Variants in FRMPD1 observed in about 807,000 individuals in gnomAD.
The protein encoded by FRMPD1 is FERM and PDZ domain containing 1.
Under a neutral mutation model 117.8 loss-of-function variants are expected in FRMPD1, and 76 were observed. That is an observed-to-expected ratio of 0.65 (90% confidence interval 0.54 to 0.78). The LOEUF is 0.78. Among genes scored for constraint, FRMPD1 ranks in the 30% least tolerant of loss-of-function variants. The pLI, the probability that FRMPD1 is intolerant of heterozygous loss-of-function variation, is 0.00. For missense variants in FRMPD1, 1,786 were observed against 1,964.5 expected (o/e 0.91, Z 1.72); for synonymous variants, 783 against 770.4 (o/e 1.02, Z -0.27).
the FRMPD1 span, among the ~76,000 whole-genome samples, chr9:37,610,739 C>T: frequency 3.3e-5 from 5 of 152,160 alleles, no homozygotes; most frequent in East Asian, 1.9e-4. Flanking sequence ...CGATTACAGG[C>T]GTGCGCCATC....
chr9:37,625,138 T>G, the FRMPD1 span, among the ~76,000 whole-genome samples: 1 of 152,234 alleles, frequency 6.6e-6, no homozygotes, highest in South Asian at 2.1e-4. Context: ...CTGAATGCAC[T>G]AGTTTCCTTT....
chr9:37,728,539 A>G (rs917949931), intron 7 of FRMPD1, among the ~76,000 whole-genome samples: 2 of 152,142 alleles, frequency 1.3e-5, no homozygotes, highest in African/African-American at 2.4e-5. Flanking sequence ...TCTAGTGAGC[A>G]AGAAGAGTGT....
chr9:37,720,947 T>C (rs1823374191), intron 6 of FRMPD1, among the ~76,000 whole-genome samples: 2 of 152,180 alleles, frequency 1.3e-5, no homozygotes, highest in South Asian at 4.1e-4. Flanking sequence ...TGCACAGTGA[T>C]GAGTAGTGAG....
Position 37,744,950 on chromosome 9 carries a change from A to G in FRMPD1, c.2918A>G (p.Asn973Ser), listed in dbSNP as rs1339955264. ...TCAGCAAGCACTCCTCACTGTTCTA[A>G]CCCAGGTTCATCTGGCCCAGATACT... ...SSSASTPHCS[N>S]PGSSGPDTAQ... Residue 973 changes from asparagine to serine, a missense_variant, in exon 16 of 16, where the codon AAC becomes AGC. Asn to Ser is a conservative substitution (Grantham distance 46). Transcript: ENST00000377765. 3 of 1,614,134 alleles carry G rather than the reference A, an allele frequency of 1.9e-6. No individual in the cohort carries two copies. The highest frequency in any genetic ancestry group is 1.7e-5 in the Admixed American group (1 of 60,016).
chr9:37,616,834 G>T, the FRMPD1 span, among the ~76,000 whole-genome samples: 1 of 152,158 alleles, frequency 6.6e-6, no homozygotes, highest in African/African-American at 2.4e-5. Context: ...CCAAATTATA[G>T]ATTGGAAGGC....
chr9:37,734,866 TC>T (rs1416634935), intron 12 of FRMPD1, among the ~76,000 whole-genome samples: 5 of 152,160 alleles, frequency 3.3e-5, no homozygotes, highest in African/African-American at 9.7e-5. Context: ...TCCCAATTTT[TC>T]TAAGGGCTAA....
chr9:37,645,413 T>C, the FRMPD1 span, among the ~76,000 whole-genome samples: 1 of 152,146 alleles, frequency 6.6e-6, no homozygotes, highest in African/African-American at 2.4e-5. Context: ...AGAATGCGAT[T>C]AGGAACAGGA....
chr9:37,675,879 G>A (rs773651426), intron 1 of FRMPD1, among the ~76,000 whole-genome samples: 1 of 152,214 alleles, frequency 6.6e-6, no homozygotes, highest in Non-Finnish European at 1.5e-5. Flanking sequence ...TCGAACTGGT[G>A]TGTGTTCACC....
the FRMPD1 span, among the ~76,000 whole-genome samples, chr9:37,639,475 C>T: frequency 1.3e-5 from 2 of 152,122 alleles, no homozygotes; most frequent in Admixed American, 6.5e-5. Context: ...GTTTTCTGTA[C>T]CTCTGATGAT....
rs760744395 is a variant in FRMPD1 at position 37,731,008 on chromosome 9, G to C, written c.763G>C (p.Asp255His). 6.2e-7 allele frequency: 1 copy of C among 1,613,828 alleles called. No individual in the cohort carries two copies. Residue 255 changes from aspartate to histidine, a missense_variant, in exon 9 of 16, where the codon GAC becomes CAC. Asp to His is a moderately conservative substitution (Grantham distance 81). Coordinates refer to ENST00000377765, the MANE Select transcript of FRMPD1 (RefSeq NM_014907.3). Reference sequence around the variant, plus strand: ...GGTGGTAGAAAGGGAGGAGTCACATGACTACCGCTGCCTCTTCAGGGTCTG... The same window carrying C: ...GGTGGTAGAAAGGGAGGAGTCACATCACTACCGCTGCCTCTTCAGGGTCTG... ...QQVVEREESH[D>H]YRCLFRVCFV...
the FRMPD1 span, among the ~76,000 whole-genome samples, chr9:37,637,728 A>G: frequency 8.5e-5 from 13 of 152,340 alleles, no homozygotes; most frequent in East Asian, 2.3e-3. Context: ...CATCCGTAAG[A>G]CAGGAGCTAT....
At position 37,707,506 on chromosome 9, in the gene FRMPD1, C is replaced by T. The variant is rs1234343034; in HGVS notation, c.192C>T (p.Thr64=). Residue 64 remains threonine (T), a synonymous_variant, in exon 3 of 16, where the codon ACC becomes ACT. Transcript: ENST00000377765. The part of the protein sequence containing the change: ...VRHTVKIDKD[T]LLQDYGFHIS... Reference sequence around the variant, plus strand: ...ACACAGTAAAGATAGACAAAGACACCCTCCTCCAGGACTATGGATTTCACA... The same window carrying T: ...ACACAGTAAAGATAGACAAAGACACTCTCCTCCAGGACTATGGATTTCACA... The T allele has an allele frequency of 4.3e-6, 7 of 1,613,732 alleles. No individual in the cohort carries two copies. Among genetic ancestry groups the T allele is most frequent in the Non-Finnish European group, 5.9e-6 (7 of 1,179,758 alleles).
At chr9:37,659,627 C>G (rs932831395) in intron 1 of FRMPD1, among the ~76,000 whole-genome samples, 2 of 152,120 alleles carry the variant, frequency 1.3e-5, no homozygotes, top group African/African-American at 2.4e-5. Flanking sequence ...TTCACATTTT[C>G]CCACTAATTT....
chr9:37,655,831 G>GTC (rs917135266), intron 1 of FRMPD1, among the ~76,000 whole-genome samples: 37 of 152,108 alleles, frequency 2.4e-4, no homozygotes, highest in Non-Finnish European at 5.0e-4. Context: ...CTAGCCTCAG[G>GTC]TCTCTAGGCC....
At chr9:37,636,896 T>G in the FRMPD1 span, 7 of 1,609,008 alleles carry the variant, frequency 4.4e-6, no homozygotes, top group Non-Finnish European at 5.1e-6. Flanking sequence ...GGCTGTGGTG[T>G]TGTCCACCAC....
At chr9:37,680,715 G>A (rs1448039240) in intron 1 of FRMPD1, among the ~76,000 whole-genome samples, 3 of 152,162 alleles carry the variant, frequency 2.0e-5, no homozygotes, top group African/African-American at 7.2e-5. Flanking sequence ...TGAATGAAAG[G>A]CTCAGAGAAC....
At chr9:37,743,559 T>A (rs956850329) in intron 15 of FRMPD1, among the ~76,000 whole-genome samples, 6 of 118,492 alleles carry the variant, frequency 5.1e-5, no homozygotes, top group African/African-American at 1.7e-4. Context: ...TTTTTTTTTT[T>A]AATGTCTTTG....
At chr9:37,727,685 A>G (rs1222789193) in intron 7 of FRMPD1, among the ~76,000 whole-genome samples, 3 of 150,484 alleles carry the variant, frequency 2.0e-5, no homozygotes, top group Non-Finnish European at 4.4e-5. Flanking sequence ...TGGACCCTTC[A>G]GGACTAGTCA....
At chr9:37,735,787 T>A in intron 13 of FRMPD1, 53 bp downstream of exon 13, 2 of 1,274,112 alleles carry the variant, frequency 1.6e-6, no homozygotes, top group Non-Finnish European at 2.3e-6. Context: ...TGGGGCCAAA[T>A]AGGGGCCAGG....
Sources: allele counts gnomAD v4.1 joint callset (sites outside exome capture counted in the v4.1 genomes callset), GRCh38; gene constraint gnomAD v4.1.1; transcripts MANE v1.5; gene names NCBI Gene and HGNC (gene_info 2026-07-23, HGNC 2026-07-21).